MECOM: variants seen among roughly 807,000 people sequenced by gnomAD.
The protein encoded by MECOM is histone-lysine N-methyltransferase MECOM.
MECOM carries 13 observed loss-of-function variants against 116.3 expected under a neutral mutation model. The ratio of observed to expected loss-of-function variants is 0.11; its 90% CI spans 0.07 to 0.18. The LOEUF is 0.18. MECOM is among the 10% of genes least tolerant of loss of function. The pLI, the probability that MECOM is intolerant of heterozygous loss-of-function variation, is 1.00. For synonymous variants in MECOM, 528 were observed against 535.2 expected (o/e 0.99, Z 0.19); for missense variants, 1,299 against 1,509.0 (o/e 0.86, Z 2.31).
At chr3:169,345,247 G>C (rs1434178339) in intron 2 of MECOM, among the ~76,000 whole-genome samples, 1 of 151,900 alleles carries the variant, frequency 6.6e-6, no homozygotes, top group Non-Finnish European at 1.5e-5. Flanking sequence ...CCTCAGTATT[G>C]CATAACAAAT....
chr3:169,157,637 G>A (rs1323696625), intron 2 of MECOM, among the ~76,000 whole-genome samples: 3 of 152,120 alleles, frequency 2.0e-5, no homozygotes, highest in Non-Finnish European at 4.4e-5. Context: ...AAATGTTGTT[G>A]AGTAAATTCT....
At chr3:169,097,587 C>G (rs941599888) in intron 12 of MECOM, among the ~76,000 whole-genome samples, 2 of 151,684 alleles carry the variant, frequency 1.3e-5, no homozygotes. Context: ...GCAGACTTTG[C>G]GGAAGGCAAT....
intron 1 of MECOM, among the ~76,000 whole-genome samples, chr3:169,413,548 A>G (rs759634813): frequency 6.0e-5 from 9 of 149,424 alleles, no homozygotes; most frequent in African/African-American, 2.0e-4. Flanking sequence ...ACCAAACACT[A>G]CCCTGCAAAG....
intron 9 of MECOM, among the ~76,000 whole-genome samples, chr3:169,109,221 C>G (rs536868937): frequency 5.9e-5 from 9 of 152,266 alleles, no homozygotes; most frequent in African/African-American, 2.2e-4. Context: ...AATTTTCAAT[C>G]ACATATGCAG....
chr3:169,558,882 C>T (rs1762326674), intron 1 of MECOM, among the ~76,000 whole-genome samples: 1 of 152,122 alleles, frequency 6.6e-6, no homozygotes. Flanking sequence ...GATTCCCTCT[C>T]AACCCCAGAC....
chr3:169,501,502 C>T (rs1754519655), intron 1 of MECOM, among the ~76,000 whole-genome samples: 1 of 151,942 alleles, frequency 6.6e-6, no homozygotes, highest in South Asian at 2.1e-4. Flanking sequence ...TTATTGGAGG[C>T]CACGTTTTTA....
intron 1 of MECOM, among the ~76,000 whole-genome samples, chr3:169,386,044 C>T (rs1176257798): frequency 6.6e-6 from 1 of 152,170 alleles, no homozygotes; most frequent in African/African-American, 2.4e-5. Flanking sequence ...GGAAATTGCT[C>T]TTGGAAGTCA....
intron 1 of MECOM, among the ~76,000 whole-genome samples, chr3:169,493,638 C>T (rs1374514397): frequency 6.6e-6 from 1 of 151,850 alleles, no homozygotes; most frequent in Non-Finnish European, 1.5e-5. Context: ...AACTGAAGTT[C>T]CTCAGATGGG....
At chr3:169,452,589 T>C (rs1329894430) in intron 1 of MECOM, among the ~76,000 whole-genome samples, 1 of 152,190 alleles carries the variant, frequency 6.6e-6, no homozygotes, top group African/African-American at 2.4e-5. Flanking sequence ...ATGTGTATCA[T>C]GGATGTCAAG....
In MECOM at chr3:169,660,433, T is replaced by TTG. The variant is rs1164062353; in HGVS notation, c.37+2902_37+2903insCA. Reference sequence around the variant, plus strand: ...CTGTGTTGTGCATTCAATCTCGGTGTAGATTCAGTGGGTATTTTCAGGGTC... The same window carrying TTG: ...CTGTGTTGTGCATTCAATCTCGGTGTTGAGATTCAGTGGGTATTTTCAGGGTC... On this transcript the variant is annotated intron_variant, in intron 1 of 16. Coordinates refer to ENST00000651503, the MANE Select transcript of MECOM (RefSeq NM_004991.4). Among the ~76,000 whole-genome samples the TTG allele has an allele frequency of 6.2e-4, 94 of 152,192 alleles. 1 individual carries two copies. The South Asian group carries it at 0.018, about 30-fold the overall frequency.
chr3:169,531,957 C>T (rs3909247), intron 1 of MECOM, among the ~76,000 whole-genome samples: 43,662 of 152,042 alleles, frequency 0.29, 6,542 homozygotes, highest in Non-Finnish European at 0.33. Context: ...TTAGCCACTC[C>T]GCTGGATGCA....
intron 14 of MECOM, among the ~76,000 whole-genome samples, chr3:169,091,976 T>TA (rs1560116310): frequency 6.6e-6 from 1 of 152,114 alleles, no homozygotes. Context: ...GCATCTGAAT[T>TA]TAATAGGTCA....
chr3:169,593,387 T>G (rs1766666815), intron 1 of MECOM, among the ~76,000 whole-genome samples: 1 of 152,160 alleles, frequency 6.6e-6, no homozygotes, highest in African/African-American at 2.4e-5. Flanking sequence ...ATATTACAGC[T>G]AGACAAGAAC....
intron 2 of MECOM, among the ~76,000 whole-genome samples, chr3:169,324,003 G>T (rs532724960): frequency 6.6e-6 from 1 of 152,096 alleles, no homozygotes; most frequent in Non-Finnish European, 1.5e-5. Context: ...CAGCCCAGCC[G>T]AAGCCCAGCT....
At chr3:169,147,377 A>G (rs940693418) in intron 2 of MECOM, 9 of 985,362 alleles carry the variant, frequency 9.1e-6, no homozygotes, top group Non-Finnish European at 1.1e-5. Context: ...TTTCTATTTC[A>G]TGAACTGTCT....
intron 1 of MECOM, among the ~76,000 whole-genome samples, chr3:169,601,868 C>A (rs894726876): frequency 6.6e-6 from 1 of 152,176 alleles, no homozygotes; most frequent in Non-Finnish European, 1.5e-5. Context: ...TGCAATGCTG[C>A]TATATTTATT....
chr3:169,319,344 T>C (rs1443506241), intron 2 of MECOM, among the ~76,000 whole-genome samples: 2 of 151,984 alleles, frequency 1.3e-5, no homozygotes, highest in African/African-American at 2.4e-5. Flanking sequence ...AAACACTGCA[T>C]GTTCTCACTC....
intron 1 of MECOM, among the ~76,000 whole-genome samples, chr3:169,507,714 T>G (rs796295923): frequency 4.5e-5 from 6 of 133,338 alleles, no homozygotes; most frequent in African/African-American, 1.7e-4. Context: ...CAGGCTGGAG[T>G]GCAGTGGCGC....
intron 2 of MECOM, among the ~76,000 whole-genome samples, chr3:169,331,366 C>T (rs376151771): frequency 1.3e-5 from 2 of 152,030 alleles, no homozygotes; most frequent in African/African-American, 4.8e-5. Flanking sequence ...CCATACCTAC[C>T]TAATACAGTG....
Sources: allele counts gnomAD v4.1 joint callset (sites outside exome capture counted in the v4.1 genomes callset), GRCh38; gene constraint gnomAD v4.1.1; transcripts MANE v1.5; gene names NCBI Gene and HGNC (gene_info 2026-07-23, HGNC 2026-07-21).